NLK: variants seen among roughly 807,000 people sequenced by gnomAD.
The protein encoded by NLK is nemo like kinase, also known as serine/threonine-protein kinase NLK.
In NLK, 11 loss-of-function variants were observed where a neutral mutation model predicts 59.0. The observed-to-expected ratio is 0.19, with a 90% confidence interval of 0.12 to 0.31. The LOEUF (loss-of-function observed/expected upper bound fraction) is 0.31. Ranked by LOEUF, NLK falls within the 10% of genes least tolerant of loss-of-function variation. The probability of loss-of-function intolerance (pLI) is 1.00; values close to 1 mark genes in which losing one functional copy is unlikely to be tolerated. For missense variants in NLK, 410 were observed against 661.1 expected, an observed-to-expected ratio of 0.62 and a Z score of 4.16; for synonymous variants, 235 against 235.9, an observed-to-expected ratio of 1.00 and a Z score of 0.03.
At chr17:28,164,306 G>A (rs144081261) in intron 5 of NLK, among the ~76,000 whole-genome samples, 2 of 151,160 alleles carry the variant, frequency 1.3e-5, no homozygotes, top group African/African-American at 4.9e-5. Context: ...GAGCGTGAAG[G>A]CTGCAGTGAG....
At chr17:28,090,688 T>C (rs1904461046) in intron 1 of NLK, among the ~76,000 whole-genome samples, 2 of 152,078 alleles carry the variant, frequency 1.3e-5, no homozygotes, top group African/African-American at 4.8e-5. Context: ...GTTAAAAACA[T>C]AGCGGGAGCT....
chr17:28,124,068 A>T (rs922521293), intron 2 of NLK, among the ~76,000 whole-genome samples: 1 of 152,246 alleles, frequency 6.6e-6, no homozygotes, highest in Non-Finnish European at 1.5e-5. Flanking sequence ...AACTGGGAGT[A>T]CTAAACTTAC....
Position 28,105,409 on chromosome 17 carries a change from G to GT in NLK, c.459-17186dup, listed in dbSNP as rs202033160. The stretch of plus-strand genomic sequence containing the variant: ...TGTATATTTCTTAGTTTGTATACCA[G>GT]TTTTTTTTCAATTGGTAGTATAAAC... On this transcript the variant is annotated intron_variant, in intron 1 of 10. Transcript: ENST00000407008. Among the ~76,000 whole-genome samples, 504 of 151,850 alleles carry GT rather than the reference G, an allele frequency of 3.3e-3. 2 individuals are homozygous for GT. The highest frequency in any genetic ancestry group is 0.011 in the African/African-American group (474 of 41,412).
At chr17:28,154,240 C>T (rs1397290870) in intron 3 of NLK, among the ~76,000 whole-genome samples, 2 of 152,168 alleles carry the variant, frequency 1.3e-5, no homozygotes, top group Non-Finnish European at 2.9e-5. Flanking sequence ...AGTGGGGATA[C>T]ATGTGGGCCT....
At position 28,188,980 on chromosome 17, in the gene NLK, GACACAC is replaced by G. The variant is rs57423093; in HGVS notation, c.1237-2014_1237-2009del. Among the ~76,000 whole-genome samples the G allele has an allele frequency of 6.3e-3, 899 of 142,610 alleles. 7 individuals carry two copies. Among genetic ancestry groups the G allele is most frequent in the African/African-American group, 0.02 (788 of 39,176 alleles). The allele number at this position is 142,610 out of a possible 152,430, so 93.6% of individuals were successfully genotyped here. A position where few individuals can be genotyped will look rare whatever the true frequency, so the allele number is the denominator to read the frequency against. ...AGATACACATACACAGACAAACACA[GACACAC>G]ACACACACACACACACACACACACA... On this transcript the variant is annotated intron_variant, in intron 8 of 10. Coordinates refer to ENST00000407008, the MANE Select transcript of NLK (RefSeq NM_016231.5).
intron 1 of NLK, chr17:28,116,093 G>A (rs958426270): frequency 2.7e-4 from 41 of 151,868 alleles, no homozygotes; most frequent in African/African-American, 8.5e-4. Context: ...TAGAAAATAC[G>A]GACATTTTAT....
intron 1 of NLK, among the ~76,000 whole-genome samples, chr17:28,087,527 A>T (rs1256224108): frequency 4.6e-5 from 7 of 152,340 alleles, no homozygotes; most frequent in African/African-American, 1.7e-4. Context: ...GGAATATTTC[A>T]GCTAATGGAA....
At chr17:28,045,006 A>AT (rs1411383513) in intron 1 of NLK, among the ~76,000 whole-genome samples, 1 of 152,092 alleles carries the variant, frequency 6.6e-6, no homozygotes, top group Non-Finnish European at 1.5e-5. Context: ...TTATTTATTT[A>AT]TTTTTTTAAG....
At chr17:28,198,464 C>T (rs569208768), downstream of NLK, among the ~76,000 whole-genome samples, 1 of 152,284 alleles carries the variant, frequency 6.6e-6, no homozygotes, top group East Asian at 1.9e-4. Flanking sequence ...GCTGGGATTA[C>T]AGGCACATGC....
intron 3 of NLK, among the ~76,000 whole-genome samples, chr17:28,136,688 C>A (rs1252645978): frequency 6.6e-6 from 1 of 152,106 alleles, no homozygotes; most frequent in African/African-American, 2.4e-5. Context: ...ACTGCAACCT[C>A]CACCTCCTAG....
At chr17:28,160,973 T>C (rs1014966576) in intron 3 of NLK, among the ~76,000 whole-genome samples, 187 bp from the exon 4 acceptor site, 5 of 152,216 alleles carry the variant, frequency 3.3e-5, no homozygotes, top group East Asian at 1.9e-4. Flanking sequence ...CTTTTAAACA[T>C]GTAAGTTCTT....
intron 1 of NLK, among the ~76,000 whole-genome samples, chr17:28,103,974 C>T (rs546183095): frequency 1.4e-4 from 22 of 152,202 alleles, no homozygotes; most frequent in Admixed American, 5.2e-4. Context: ...TCCCATTGAC[C>T]TTTGTCTAGT....
At chr17:28,172,684 G>T in intron 7 of NLK, 66 bp downstream of exon 7, 2 of 853,764 alleles carry the variant, frequency 2.3e-6, no homozygotes, top group Non-Finnish European at 3.4e-6. Context: ...TTCCAATAGA[G>T]TAATCTATTA....
In NLK at chr17:28,043,278, G is replaced by A. The variant is rs1908935191; in HGVS notation, c.405G>A (p.Gln135=). The change falls in exon 1 of 11, where the codon CAG becomes CAA. Residue 135 remains glutamine (Q), a synonymous_variant. Transcript: ENST00000407008. ...AGCACTCGCATCATCCACAGCAGCA[G>A]CTGGATATTGAGCCGGATAGACCTA... ...HHQHSHHPQQ[Q]LDIEPDRPIG... 1 of 1,611,084 alleles carries A rather than the reference G, an allele frequency of 6.2e-7. No homozygotes were observed. Among genetic ancestry groups the A allele is most frequent in the African/African-American group, 1.3e-5 (1 of 74,792 alleles).
intron 3 of NLK, among the ~76,000 whole-genome samples, chr17:28,148,803 A>C (rs1907361052): frequency 6.6e-6 from 1 of 152,204 alleles, no homozygotes; most frequent in South Asian, 2.1e-4. Flanking sequence ...AACAGAACTA[A>C]GACTAAAATT....
chr17:28,099,540 C>A (rs1444594034), intron 1 of NLK, among the ~76,000 whole-genome samples: 2 of 146,346 alleles, frequency 1.4e-5, no homozygotes, highest in Non-Finnish European at 3.0e-5. Flanking sequence ...TAAATGGAGT[C>A]ATATTGTAAA....
chr17:28,070,354 A>ATTTT (rs749066253), intron 1 of NLK, among the ~76,000 whole-genome samples: 2 of 134,850 alleles, frequency 1.5e-5, no homozygotes, highest in Admixed American at 7.5e-5. Context: ...TCTGAAATTA[A>ATTTT]TTTTTTTTTT....
intron 1 of NLK, among the ~76,000 whole-genome samples, chr17:28,082,931 G>T (rs1419137132): frequency 6.6e-6 from 1 of 152,166 alleles, no homozygotes; most frequent in Non-Finnish European, 1.5e-5. Context: ...TAATGCCAAG[G>T]TTTCCACTGT....
intron 8 of NLK, among the ~76,000 whole-genome samples, chr17:28,187,725 A>T (rs1343458209): frequency 6.6e-6 from 1 of 152,238 alleles, no homozygotes. Context: ...TCTTTTGTAC[A>T]CAAGTTCTAC....
Sources: gnomAD v4.1 joint callset for allele counts (sites outside exome capture counted in the v4.1 genomes callset) on GRCh38, gnomAD v4.1.1 for gene constraint, MANE v1.5 for transcripts, NCBI Gene and HGNC (gene_info 2026-07-23, HGNC 2026-07-21) for gene names.